The following GASK1A variants were observed in gnomAD, a reference collection of about 807,000 sequenced individuals.
GASK1A encodes golgi associated kinase 1A, also known as Golgi-associated kinase 1A.
GASK1A carries 40 observed loss-of-function variants against 41.2 expected under a neutral mutation model. The ratio of observed to expected loss-of-function variants is 0.97; its 90% CI spans 0.75 to 1.27. The LOEUF (loss-of-function observed/expected upper bound fraction) is 1.27, where lower values mean the gene tolerates loss of function less well. Among genes scored for constraint, GASK1A ranks in the 50% most tolerant of loss-of-function variants. The pLI, the probability that GASK1A is intolerant of heterozygous loss-of-function variation, is 0.00. For missense variants in GASK1A, 678 were observed against 745.1 expected, an observed-to-expected ratio of 0.91 and a Z score of 1.05; for synonymous variants, 316 against 307.1, an observed-to-expected ratio of 1.03 and a Z score of -0.30.
intron 2 of GASK1A, among the ~76,000 whole-genome samples, chr3:43,039,227 G>T (rs1575449343): frequency 1.4e-5 from 2 of 140,600 alleles, no homozygotes; most frequent in African/African-American, 5.2e-5. Flanking sequence ...TTTTGAGATG[G>T]AGTCTGACTC....
chr3:42,997,935 C>T (rs2089385575), intron 1 of GASK1A, among the ~76,000 whole-genome samples: 1 of 152,170 alleles, frequency 6.6e-6, no homozygotes, highest in African/African-American at 2.4e-5. Flanking sequence ...CTGGGAACTT[C>T]TGGGAGGCCG....
chr3:43,033,400 C>T lies in GASK1A; in HGVS notation c.1137C>T (p.Ser379=), dbSNP rs185522034. Residue 379 remains serine, a synonymous_variant, in exon 2 of 5, where the codon AGC becomes AGT. Transcript: ENST00000430121. ...GGGCACCCGATGTGCAGCACCTGAG[C>T]GACCCAGATGAGGATCAGAACTCTC... The part of the protein sequence containing the change: ...IWWAPDVQHL[S]DPDEDQNSLA... 23 of 1,551,574 alleles carry T rather than the reference C, an allele frequency of 1.5e-5. No homozygotes were observed. The highest frequency in any genetic ancestry group is 7.3e-5 in the East Asian group (3 of 40,924).
chr3:43,055,344 T>C, intron 3 of GASK1A, 88 bp from the exon 4 acceptor site: 1 of 892,256 alleles, frequency 1.1e-6, no homozygotes, highest in Non-Finnish European at 1.8e-6. Context: ...CTCAGGGCTG[T>C]CAGCCCCTTA....
At chr3:42,988,638 C>G (rs1472113177) in intron 1 of GASK1A, among the ~76,000 whole-genome samples, 2 of 152,232 alleles carry the variant, frequency 1.3e-5, no homozygotes, top group Non-Finnish European at 2.9e-5. Flanking sequence ...GCAGGTGCCC[C>G]TTTCAGCTTG....
At chr3:42,980,939 C>T (rs2089280032) in intron 1 of GASK1A, among the ~76,000 whole-genome samples, 1 of 152,178 alleles carries the variant, frequency 6.6e-6, no homozygotes, top group South Asian at 2.1e-4. Flanking sequence ...CAGCCATCCA[C>T]TCCGAGGGGC....
chr3:42,979,615 A>G lies in GASK1A; in HGVS notation c.-28A>G. 2 of 1,242,618 alleles carry G rather than the reference A, an allele frequency of 1.6e-6. No homozygotes were observed. The highest frequency in any genetic ancestry group is 2.5e-4 in the Middle Eastern group (1 of 3,968). 77.0% of individuals were successfully genotyped at this position (1,242,618 alleles called of 1,614,324 possible). A position where few individuals can be genotyped will look rare whatever the true frequency, so the allele number is the denominator to read the frequency against. The stretch of plus-strand genomic sequence containing the variant: ...GTCTGCGAGCCGGCTGAGCGCGCCG[A>G]GGAGCCGGCCGGGGCACCGCCGGGG... On this transcript the variant is annotated 5_prime_UTR_variant, in exon 1 of 5. Transcript: ENST00000430121.
In GASK1A at chr3:43,032,314, A is replaced by C. The variant is rs143693956; in HGVS notation, c.51A>C (p.Ile17=). ...TGCGTGGCAAGAGGCGGCCAGTGAT[A>C]GCGTTCTGCCTCTTGATGATCCTAT... ...RKLRGKRRPV[I]AFCLLMILSA... The change falls in exon 2 of 5, where the codon ATA becomes ATC. Residue 17 remains isoleucine (I), a synonymous_variant. Coordinates refer to ENST00000430121, the MANE Select transcript of GASK1A (RefSeq NM_001129908.3). 7.6e-5 allele frequency: 117 copies of C among 1,544,436 alleles called. No individual in the cohort carries two copies. In the African/African-American group the frequency reaches 1.5e-3, roughly 20 times the overall value.
At chr3:42,986,762 G>A (rs980341529) in intron 1 of GASK1A, among the ~76,000 whole-genome samples, 11 of 152,134 alleles carry the variant, frequency 7.2e-5, no homozygotes, top group African/African-American at 2.7e-4. Flanking sequence ...TTTAGAGAGC[G>A]GTTTTGGAGG....
intron 1 of GASK1A, among the ~76,000 whole-genome samples, chr3:42,987,718 G>A (rs1025929536): frequency 6.6e-6 from 1 of 152,068 alleles, no homozygotes; most frequent in Non-Finnish European, 1.5e-5. Context: ...ATAGAGAGAG[G>A]CTGGGTGTGG....
At chr3:43,007,991 C>T (rs1025090046) in intron 1 of GASK1A, among the ~76,000 whole-genome samples, 1 of 152,146 alleles carries the variant, frequency 6.6e-6, no homozygotes, top group Non-Finnish European at 1.5e-5. Context: ...TGCTTGCTTG[C>T]TTGCTTGCTT....
At chr3:42,987,846 A>C (rs1449881202) in intron 1 of GASK1A, among the ~76,000 whole-genome samples, 1 of 151,850 alleles carries the variant, frequency 6.6e-6, no homozygotes, top group Non-Finnish European at 1.5e-5. Flanking sequence ...TGAAAATACA[A>C]AAATTAGCTG....
intron 2 of GASK1A, chr3:43,036,998 A>C: frequency 2.5e-6 from 1 of 394,000 alleles, no homozygotes; most frequent in African/African-American, 2.0e-5. Flanking sequence ...ATGGTAATTT[A>C]TTACACAGCA....
At chr3:42,992,707 G>T (rs1023145223) in intron 1 of GASK1A, among the ~76,000 whole-genome samples, 2 of 152,226 alleles carry the variant, frequency 1.3e-5, no homozygotes, top group Non-Finnish European at 2.9e-5. Flanking sequence ...GGGACGCCTA[G>T]TTCAAGAGTT....
chr3:42,999,138 A>G (rs952009532), intron 1 of GASK1A, among the ~76,000 whole-genome samples: 8 of 151,922 alleles, frequency 5.3e-5, no homozygotes, highest in Non-Finnish European at 8.8e-5. Context: ...ATGGGTTCCA[A>G]TCACAGTGTG....
chr3:42,990,626 G>A (rs573917651), intron 1 of GASK1A, among the ~76,000 whole-genome samples: 1 of 152,310 alleles, frequency 6.6e-6, no homozygotes, highest in East Asian at 1.9e-4. Context: ...AGGATGGGGG[G>A]CAGCCTACTT....
At chr3:43,046,180 G>A (rs2089661517) in intron 2 of GASK1A, among the ~76,000 whole-genome samples, 2 of 152,216 alleles carry the variant, frequency 1.3e-5, no homozygotes, top group Admixed American at 1.3e-4. Flanking sequence ...AAGAAGACAG[G>A]GAGATGTGGG....
intron 1 of GASK1A, among the ~76,000 whole-genome samples, chr3:42,993,655 A>T (rs867030281): frequency 2.0e-5 from 3 of 151,848 alleles, no homozygotes; most frequent in Non-Finnish European, 4.4e-5. Context: ...CATCAATGTG[A>T]TCTGTGTCTG....
intron 2 of GASK1A, among the ~76,000 whole-genome samples, chr3:43,050,248 T>G (rs2089682779): frequency 6.6e-6 from 1 of 152,172 alleles, no homozygotes; most frequent in Non-Finnish European, 1.5e-5. Context: ...TGTTAATGTC[T>G]TCATTTCTCC....
chr3:42,995,931 G>A (rs2089366807), intron 1 of GASK1A, among the ~76,000 whole-genome samples: 1 of 152,210 alleles, frequency 6.6e-6, no homozygotes, highest in Non-Finnish European at 1.5e-5. Context: ...GGCAGCCAGA[G>A]AAAATTTCCA....
Sources: gnomAD v4.1 joint callset for allele counts (sites outside exome capture counted in the v4.1 genomes callset) on GRCh38, gnomAD v4.1.1 for gene constraint, MANE v1.5 for transcripts, NCBI Gene and HGNC (gene_info 2026-07-23, HGNC 2026-07-21) for gene names.